The following CNTN4 variants were observed in gnomAD, a reference collection of about 807,000 sequenced individuals.
The protein encoded by CNTN4 is contactin-4.
In CNTN4, 77 loss-of-function variants were observed where a neutral mutation model predicts 122.5. That is an observed-to-expected ratio of 0.63 (90% CI 0.52 to 0.76). The LOEUF (loss-of-function observed/expected upper bound fraction) is 0.76, where lower values mean the gene tolerates loss of function less well. Ranked by LOEUF, CNTN4 falls within the 30% of genes least tolerant of loss-of-function variation. The pLI is 0.00. For synonymous variants in CNTN4, 512 were observed against 447.0 expected (o/e 1.15, Z -1.83); for missense variants, 1,256 against 1,259.1 (o/e 1.00, Z 0.04).
chr3:2,329,286 T>C (rs1240661035), intron 2 of CNTN4, among the ~76,000 whole-genome samples: 1 of 152,168 alleles, frequency 6.6e-6, no homozygotes, highest in African/African-American at 2.4e-5. Flanking sequence ...CTCACCATCG[T>C]TTCTACTACA....
intron 12 of CNTN4, among the ~76,000 whole-genome samples, chr3:2,910,956 G>A (rs941953571): frequency 6.6e-6 from 1 of 152,162 alleles, no homozygotes; most frequent in Non-Finnish European, 1.5e-5. Context: ...TTAAAGCACT[G>A]TAGAAAAATT....
intron 2 of CNTN4, among the ~76,000 whole-genome samples, chr3:2,118,098 A>G (rs1408217521): frequency 6.6e-6 from 1 of 152,250 alleles, no homozygotes; most frequent in Non-Finnish European, 1.5e-5. Flanking sequence ...ATAATGTACC[A>G]AGGAAGTCAC....
At chr3:2,498,935 G>A (rs190221451) in intron 3 of CNTN4, among the ~76,000 whole-genome samples, 13 of 152,030 alleles carry the variant, frequency 8.6e-5, no homozygotes, top group Non-Finnish European at 1.3e-4. Flanking sequence ...GACTACAGGC[G>A]TGCACCACCA....
chr3:2,387,784 C>G (rs912154529), intron 3 of CNTN4, among the ~76,000 whole-genome samples: 2 of 152,070 alleles, frequency 1.3e-5, no homozygotes, highest in Admixed American at 1.3e-4. Context: ...TTCCATTATT[C>G]TTCATTATTT....
intron 13 of CNTN4, among the ~76,000 whole-genome samples, chr3:2,950,404 TG>T (rs2094727183): frequency 6.6e-6 from 1 of 151,766 alleles, no homozygotes; most frequent in Non-Finnish European, 1.5e-5. Context: ...CAAATGAGTT[TG>T]GGAAGCCCCA....
intron 13 of CNTN4, among the ~76,000 whole-genome samples, chr3:2,941,614 C>T (rs999668451): frequency 2.6e-5 from 4 of 152,160 alleles, no homozygotes; most frequent in Admixed American, 2.0e-4. Context: ...ATGTGCATTG[C>T]TGGTGCACTG....
intron 2 of CNTN4, among the ~76,000 whole-genome samples, chr3:2,227,436 C>A (rs2039330109): frequency 6.6e-6 from 1 of 152,132 alleles, no homozygotes; most frequent in African/African-American, 2.4e-5. Flanking sequence ...TAGTTAGTGT[C>A]CTTTTTCATT....
chr3:2,864,386 G>C (rs1402251316), intron 7 of CNTN4, among the ~76,000 whole-genome samples: 1 of 151,980 alleles, frequency 6.6e-6, no homozygotes, highest in Non-Finnish European at 1.5e-5. Flanking sequence ...GCAGAATTCA[G>C]AGAGCCTTGC....
intron 4 of CNTN4, among the ~76,000 whole-genome samples, chr3:2,718,794 G>T (rs968769293): frequency 2.6e-5 from 4 of 152,080 alleles, no homozygotes; most frequent in African/African-American, 9.7e-5. Flanking sequence ...ATTTTGTTGT[G>T]AAAGTTTTAC....
intron 3 of CNTN4, among the ~76,000 whole-genome samples, chr3:2,355,918 G>A (rs1313158523): frequency 6.6e-6 from 1 of 152,208 alleles, no homozygotes; most frequent in Non-Finnish European, 1.5e-5. Flanking sequence ...AGCAGGGGCA[G>A]GGTTTATCCC....
At chr3:2,820,643 G>T (rs1475918127) in intron 7 of CNTN4, among the ~76,000 whole-genome samples, 2 of 152,104 alleles carry the variant, frequency 1.3e-5, no homozygotes, top group African/African-American at 4.8e-5. Flanking sequence ...GCCTCACCAA[G>T]AGTCACCTAA....
intron 13 of CNTN4, among the ~76,000 whole-genome samples, chr3:2,977,275 T>C (rs1391300534): frequency 6.9e-6 from 1 of 144,880 alleles, no homozygotes. Context: ...TCCTCCTCTG[T>C]CTTATTTTGG....
chr3:2,751,767 A>G (rs2090104037), intron 6 of CNTN4, among the ~76,000 whole-genome samples: 2 of 152,000 alleles, frequency 1.3e-5, no homozygotes, highest in African/African-American at 4.8e-5. Context: ...TTTCTCTGTC[A>G]TATAAACACT....
intron 2 of CNTN4, among the ~76,000 whole-genome samples, chr3:2,334,002 G>C (rs970014222): frequency 6.6e-6 from 1 of 152,144 alleles, no homozygotes; most frequent in Non-Finnish European, 1.5e-5. Flanking sequence ...ATAAGGAAAA[G>C]CCTGTTAAAT....
intron 4 of CNTN4, among the ~76,000 whole-genome samples, chr3:2,684,619 A>G (rs1009288957): frequency 6.6e-6 from 1 of 152,174 alleles, no homozygotes; most frequent in Non-Finnish European, 1.5e-5. Context: ...ACAAAATTGC[A>G]CCTAGATTTA....
At chr3:2,347,200 C>T (rs2044428426) in intron 3 of CNTN4, among the ~76,000 whole-genome samples, 1 of 152,088 alleles carries the variant, frequency 6.6e-6, no homozygotes. Flanking sequence ...TTATTTCTCT[C>T]TCATGCAACA....
intron 13 of CNTN4, among the ~76,000 whole-genome samples, chr3:2,961,945 C>A (rs1403211970): frequency 6.6e-6 from 1 of 152,204 alleles, no homozygotes; most frequent in African/African-American, 2.4e-5. Context: ...CTATAAAAAT[C>A]CATTGCCTTT....
rs570282834 is a variant in CNTN4 at position 2,840,428 on chromosome 3, C to T, written c.454+20847C>T. 4.3e-4 allele frequency among the ~76,000 whole-genome samples: 66 copies of T among 151,764 alleles called. No homozygotes were observed. The South Asian group carries it at 5.0e-3, about 12-fold the overall frequency. On this transcript the variant is annotated intron_variant, in intron 7 of 24. Coordinates refer to ENST00000418658, the MANE Select transcript of CNTN4 (RefSeq NM_175607.3). Reference sequence around the variant, plus strand: ...TCTTTTAGAAAAGCTGGGGCCGGCGCGGTGGCTCACGCCTGTCATCCCAGC... The same window carrying T: ...TCTTTTAGAAAAGCTGGGGCCGGCGTGGTGGCTCACGCCTGTCATCCCAGC...
chr3:2,374,166 T>G (rs936792524), intron 3 of CNTN4, among the ~76,000 whole-genome samples: 14 of 152,158 alleles, frequency 9.2e-5, no homozygotes, highest in African/African-American at 3.4e-4. Context: ...GAAGGTGATA[T>G]GCATGGACAT....
Sources: allele counts gnomAD v4.1 joint callset (sites outside exome capture counted in the v4.1 genomes callset), GRCh38; gene constraint gnomAD v4.1.1; transcripts MANE v1.5; gene names NCBI Gene and HGNC (gene_info 2026-07-23, HGNC 2026-07-21).